The following PPIL2 variants were observed in gnomAD, a reference collection of about 807,000 sequenced individuals.
PPIL2 encodes the protein peptidylprolyl isomerase like 2, also known as RING-type E3 ubiquitin-protein ligase PPIL2.
PPIL2 carries 50 observed loss-of-function variants against 75.2 expected under a neutral mutation model. The observed-to-expected ratio is 0.66, with a 90% CI of 0.53 to 0.84. PPIL2 has a LOEUF of 0.84. Ranked by LOEUF, PPIL2 falls within the 40% of genes least tolerant of loss-of-function variation. The pLI is 0.00. For synonymous variants in PPIL2, 245 were observed against 258.8 expected, an observed-to-expected ratio of 0.95 and a Z score of 0.51; for missense variants, 590 against 685.0, an observed-to-expected ratio of 0.86 and a Z score of 1.55.
chr22:21,699,483 G>A (rs1312607033), downstream of PPIL2: 1 of 152,340 alleles, frequency 6.6e-6, no homozygotes, highest in African/African-American at 2.4e-5. Context: ...GTGGATGAGT[G>A]GATTGTAATT....
At chr22:21,692,674 C>T (rs2067724615) in intron 15 of PPIL2, among the ~76,000 whole-genome samples, 1 of 151,410 alleles carries the variant, frequency 6.6e-6, no homozygotes, top group African/African-American at 2.4e-5. Context: ...GCCTGTAATC[C>T]CAGCACTTTG....
intron 12 of PPIL2, 58 bp downstream of exon 12, chr22:21,687,056 A>T (rs946411847): frequency 4.0e-6 from 6 of 1,484,568 alleles, no homozygotes; most frequent in Non-Finnish European, 5.6e-6. Context: ...GTCATCTGAC[A>T]GCCATGTCTT....
chr22:21,687,945 C>T (rs2067444223), intron 13 of PPIL2, 128 bp from the exon 14 acceptor site: 3 of 1,269,814 alleles, frequency 2.4e-6, no homozygotes, highest in East Asian at 2.3e-5. Flanking sequence ...GCTGGGAGGG[C>T]CCCTCATTAT....
rs2067984588 is a variant in PPIL2 at position 21,697,512 on chromosome 22, T to G, written c.*2022T>G. The G allele has an allele frequency of 6.3e-6, 1 of 159,118 alleles. No homozygotes were observed. Among genetic ancestry groups the G allele is most frequent in the Non-Finnish European group, 1.4e-5 (1 of 72,138 alleles). The allele number at this position is 159,118 out of a possible 1,614,324, so 9.9% of individuals were successfully genotyped here. A position where few individuals can be genotyped will look rare whatever the true frequency, so the allele number is the denominator to read the frequency against. On this transcript the variant is annotated 3_prime_UTR_variant, in exon 20 of 20. Coordinates refer to ENST00000398831, the MANE Select transcript of PPIL2 (RefSeq NM_014337.4). ...GGGCTCAGCCTTCTGCATCAGGACA[T>G]GGCCTCGTCCACTGAGGGCACGATT...
intron 15 of PPIL2, among the ~76,000 whole-genome samples, chr22:21,691,589 A>T (rs1394990284): frequency 6.6e-6 from 1 of 152,016 alleles, no homozygotes; most frequent in Non-Finnish European, 1.5e-5. Flanking sequence ...CTGAGGCAGG[A>T]GAATGGCGTG....
rs1024628680 is a variant in PPIL2, at chr22:21,696,968, A to G, written c.*1478A>G. The G allele has an allele frequency of 7.0e-6, 11 of 1,563,852 alleles. No individual in the cohort carries two copies. Among genetic ancestry groups the G allele is most frequent in the Middle Eastern group, 1.8e-4 (1 of 5,618 alleles). On this transcript the variant is annotated 3_prime_UTR_variant, in exon 20 of 20. Coordinates refer to ENST00000398831, the MANE Select transcript of PPIL2 (RefSeq NM_014337.4). ...TGTGGCCCTTCATCATGCTAAGAAC[A>G]AGAACTGCGCCATGGCTGGCTCCTT...
chr22:21,686,768 G>C, intron 11 of PPIL2, 124 bp from the exon 12 acceptor site: 1 of 1,103,076 alleles, frequency 9.1e-7, no homozygotes, highest in Non-Finnish European at 1.4e-6. Context: ...TCGGCCTCCA[G>C]CTCCCCTGCT....
intron 4 of PPIL2, among the ~76,000 whole-genome samples, chr22:21,671,969 T>G (rs149222632): frequency 1.4e-4 from 22 of 152,196 alleles, no homozygotes; most frequent in Non-Finnish European, 2.6e-4. Context: ...GAGGATCGCT[T>G]GAGCCCAGGG....
At chr22:21,682,346 T>C (rs1174961768) in intron 7 of PPIL2, 91 bp from the exon 8 acceptor site, 12 of 1,101,170 alleles carry the variant, frequency 1.1e-5, no homozygotes, top group Non-Finnish European at 1.7e-5. Context: ...AATCGTGCCA[T>C]GGTCGGGGCC....
chr22:21,672,467 A>C, intron 5 of PPIL2, 86 bp downstream of exon 5: 1 of 1,372,256 alleles, frequency 7.3e-7, no homozygotes, highest in South Asian at 1.2e-5. Context: ...TCATGAACAC[A>C]GGAACATGGG....
At chr22:21,694,912 TA>T in intron 18 of PPIL2, 24 bp from the exon 19 acceptor site, 3 of 1,610,126 alleles carry the variant, frequency 1.9e-6, no homozygotes, top group Non-Finnish European at 2.5e-6. Flanking sequence ...TGCTGCCGGT[TA>T]GCCAGCGCCC....
chr22:21,680,829 CAAAAAAAA>C (rs762340467), intron 6 of PPIL2, among the ~76,000 whole-genome samples: 5 of 50,818 alleles, frequency 9.8e-5, no homozygotes, highest in East Asian at 1.3e-3. Context: ...GACTCCATCT[CAAAAAAAA>C]AAAAAAAAAA....
intron 1 of PPIL2, among the ~76,000 whole-genome samples, chr22:21,668,806 G>A (rs1437282247): frequency 6.7e-6 from 1 of 148,334 alleles, no homozygotes; most frequent in Non-Finnish European, 1.5e-5. Context: ...CCGCCTCCCG[G>A]GTTCATGCCA....
chr22:21,695,141 G>C (rs1293109593), intron 19 of PPIL2, 71 bp downstream of exon 19: 39 of 1,481,136 alleles, frequency 2.6e-5, no homozygotes, highest in Non-Finnish European at 3.3e-5. Context: ...CTGAGGGTCA[G>C]ACCCAGAGGG....
At chr22:21,688,218 G>T in intron 14 of PPIL2, 112 bp downstream of exon 14, 4 of 1,381,898 alleles carry the variant, frequency 2.9e-6, no homozygotes, top group Non-Finnish European at 4.1e-6. Flanking sequence ...GCTAGACCAG[G>T]GTGGAACGAC....
intron 6 of PPIL2, among the ~76,000 whole-genome samples, chr22:21,680,891 G>A (rs1182493881): frequency 6.6e-6 from 1 of 151,792 alleles, no homozygotes; most frequent in Non-Finnish European, 1.5e-5. Flanking sequence ...GCAGGCAAGG[G>A]GATGGGCGGT....
Position 21,696,593 on chromosome 22 carries a change from C to T in PPIL2, c.*1103C>T, listed in dbSNP as rs2067942420. 6.9e-7 allele frequency: 1 copy of T among 1,456,838 alleles called. No homozygotes were observed. Among genetic ancestry groups the T allele is most frequent in the Non-Finnish European group, 9.0e-7 (1 of 1,106,790 alleles). 90.2% of individuals were successfully genotyped at this position (1,456,838 alleles called of 1,614,324 possible). ...TCAGCCCAGGCCAGTGGTCAGTGTT[C>T]TCATGTCATGGACTCTCCTTGCCTG... On this transcript the variant is annotated 3_prime_UTR_variant, in exon 20 of 20. Coordinates refer to ENST00000398831, the MANE Select transcript of PPIL2 (RefSeq NM_014337.4).
Position 21,669,943 on chromosome 22 carries a change from T to C in PPIL2, c.63T>C (p.Phe21=). The part of the protein sequence containing the change: ...MYITCAEYTH[F]YGGKKPDLPQ... The stretch of plus-strand genomic sequence containing the variant: ...TTACCTGTGCTGAATACACTCACTT[T>C]TATGGTGGCAAGAAGCCAGGTAAGG... The change falls in exon 2 of 20, where the codon TTT becomes TTC. Residue 21 remains phenylalanine, a synonymous_variant. Coordinates refer to ENST00000398831, the MANE Select transcript of PPIL2 (RefSeq NM_014337.4). 6.2e-7 allele frequency: 1 copy of C among 1,614,038 alleles called. No individual in the cohort carries two copies. The highest frequency in any genetic ancestry group is 8.5e-7 in the Non-Finnish European group (1 of 1,179,894).
At chr22:21,690,553 C>G (rs1448590459) in intron 15 of PPIL2, among the ~76,000 whole-genome samples, 1 of 152,142 alleles carries the variant, frequency 6.6e-6, no homozygotes, top group Non-Finnish European at 1.5e-5. Flanking sequence ...TTTCTCATGC[C>G]TAATCACACT....
Sources: allele counts gnomAD v4.1 joint callset (sites outside exome capture counted in the v4.1 genomes callset), GRCh38; gene constraint gnomAD v4.1.1; transcripts MANE v1.5; gene names NCBI Gene and HGNC (gene_info 2026-07-23, HGNC 2026-07-21).